Variants in ADRA1A observed in about 807,000 individuals in gnomAD.
The protein encoded by ADRA1A is alpha-1A adrenergic receptor.
Under a neutral mutation model 29.6 loss-of-function variants are expected in ADRA1A, and 31 were observed. The observed-to-expected ratio is 1.05, with a 90% CI of 0.79 to 1.41. The LOEUF is 1.41. Among genes scored for constraint, ADRA1A ranks in the 40% most tolerant of loss-of-function variants. The pLI is 0.00. For synonymous variants in ADRA1A, 311 were observed against 254.3 expected, an observed-to-expected ratio of 1.22 and a Z score of -2.12; for missense variants, 619 against 601.1, an observed-to-expected ratio of 1.03 and a Z score of -0.31.
intron 2 of ADRA1A, among the ~76,000 whole-genome samples, chr8:26,822,841 G>A (rs1810273897): frequency 6.6e-6 from 1 of 152,178 alleles, no homozygotes; most frequent in South Asian, 2.1e-4. Flanking sequence ...GGGGAAGGAG[G>A]CACATAGCTG....
chr8:26,788,437 G>T (rs1481718792), intron 2 of ADRA1A, among the ~76,000 whole-genome samples: 2 of 152,136 alleles, frequency 1.3e-5, no homozygotes. Flanking sequence ...TTTTGAAAAA[G>T]AGTTAGAGAA....
intron 2 of ADRA1A, among the ~76,000 whole-genome samples, chr8:26,857,315 A>G (rs1813120464): frequency 6.6e-6 from 1 of 151,990 alleles, no homozygotes; most frequent in African/African-American, 2.4e-5. Context: ...TTAAGCCACT[A>G]CCTTTTGGGA....
Position 26,866,805 on chromosome 8 carries a change from G to A in ADRA1A, c.-687+131C>T. ...GTAAGGGAATCGGGGGTGGGGTAGA[G>A]GGGCCGGTATAAAACCTGGTGGAAA... On this transcript the variant is annotated intron_variant, in intron 1 of 2. Transcript: ENST00000380573. This position sits in a 1 kb window ranked among gnomAD's most constrained non-coding sequence, Gnocchi z 5.7. The A allele has an allele frequency of 1.1e-6, 1 of 894,440 alleles. No individual in the cohort carries two copies. The highest frequency in any genetic ancestry group is 5.1e-5 in the South Asian group (1 of 19,492). The allele number at this position is 894,440 out of a possible 1,614,324, so 55.4% of individuals were successfully genotyped here.
intron 2 of ADRA1A, among the ~76,000 whole-genome samples, chr8:26,772,343 C>A (rs61760523): frequency 6.6e-6 from 1 of 152,184 alleles, no homozygotes; most frequent in Admixed American, 6.5e-5. Flanking sequence ...AAATCCCAAA[C>A]GTCCCTCTTC....
At chr8:26,750,762 G>A (rs933712060) in intron 2 of ADRA1A, among the ~76,000 whole-genome samples, 9 of 152,126 alleles carry the variant, frequency 5.9e-5, no homozygotes, top group Non-Finnish European at 1.3e-4. Flanking sequence ...AGCTCTCCTG[G>A]TGATTCATAA....
In ADRA1A at chr8:26,821,167, G is replaced by C. The variant is rs1438053073; in HGVS notation, c.883+42920C>G. Among the ~76,000 whole-genome samples, 2 of 152,188 alleles carry C rather than the reference G, an allele frequency of 1.3e-5. No individual in the cohort carries two copies. Among genetic ancestry groups the C allele is most frequent in the Non-Finnish European group, 1.5e-5 (1 of 68,036 alleles). On this transcript the variant is annotated intron_variant, in intron 2 of 2. Transcript: ENST00000380573. The surrounding 1 kb of genome is among the most constrained non-coding windows in gnomAD (Gnocchi z 5.6). ...GGCCTCGCAAAGTGCTGGGATTACA[G>C]GCATGAGCCACCACGCCTGGCCACA...
Position 26,801,635 on chromosome 8 carries a change from A to G in ADRA1A, c.884-30969T>C, listed in dbSNP as rs144567099. Among the ~76,000 whole-genome samples the G allele has an allele frequency of 5.2e-3, 786 of 152,136 alleles. 3 individuals carry two copies. Among genetic ancestry groups the G allele is most frequent in the Admixed American group, 8.6e-3 (131 of 15,264 alleles). On this transcript the variant is annotated intron_variant, in intron 2 of 2. Coordinates refer to ENST00000380573, the MANE Select transcript of ADRA1A (RefSeq NM_000680.4). Reference sequence around the variant, plus strand: ...TGAAGAAGACACACAAAAAGTGGAGATATTCTATGTTCATGGATTGGAAGA... The same window carrying G: ...TGAAGAAGACACACAAAAAGTGGAGGTATTCTATGTTCATGGATTGGAAGA...
chr8:26,770,798 C>T, intron 2 of ADRA1A, 132 bp from the exon 3 acceptor site: 1 of 1,298,918 alleles, frequency 7.7e-7, no homozygotes, highest in Non-Finnish European at 1.0e-6. Context: ...ATGAGTTTCT[C>T]ACATTTGACT....
chr8:26,802,774 C>T (rs1308431916), intron 2 of ADRA1A, among the ~76,000 whole-genome samples: 1 of 152,108 alleles, frequency 6.6e-6, no homozygotes, highest in Non-Finnish European at 1.5e-5. Context: ...TCTGCATTCC[C>T]ATGTTTTTGG....
Position 26,864,109 on chromosome 8 carries a change from A to C in ADRA1A, c.861T>G (p.Pro287=). Reference sequence around the variant, plus strand: ...TACCAATGGGCATGACTAAGAAAAAAGGCAGCCAGCAGAGGACGAAGCAGC... The same window carrying C: ...TACCAATGGGCATGACTAAGAAAAACGGCAGCCAGCAGAGGACGAAGCAGC... The part of the protein sequence containing the change: ...VVGCFVLCWL[P]FFLVMPIGSF... The change falls in exon 2 of 3, where the codon CCT becomes CCG. Residue 287 remains proline (P), a synonymous_variant. Coordinates refer to ENST00000380573, the MANE Select transcript of ADRA1A (RefSeq NM_000680.4). The surrounding 1 kb of genome is among the most constrained non-coding windows in gnomAD (Gnocchi z 8.1). 1 of 1,613,594 alleles carries C rather than the reference A, an allele frequency of 6.2e-7. No individual in the cohort carries two copies. Among genetic ancestry groups the C allele is most frequent in the Non-Finnish European group, 8.5e-7 (1 of 1,179,832 alleles).
chr8:26,864,878 AC>A lies in ADRA1A; in HGVS notation c.91del (p.Val31Ter). ...GAAAAGAATGAGGCCCCCCAAGATC[AC>A]CCCGAGCAGAATGGCCTTGGAAATG... Reference protein sequence around the residue: ...VNISKAILLGVILGGLILFGV... With the variant: ...VNISKAILLGXILGGLILFGV... On this transcript the variant is annotated frameshift_variant, in exon 2 of 3. Coordinates refer to ENST00000380573, the MANE Select transcript of ADRA1A (RefSeq NM_000680.4). LOFTEE classifies it high-confidence loss of function. The surrounding 1 kb of genome is among the most constrained non-coding windows in gnomAD (Gnocchi z 8.1). The A allele has an allele frequency of 5.6e-6, 9 of 1,613,930 alleles. No homozygotes were observed. Among genetic ancestry groups the A allele is most frequent in the Non-Finnish European group, 7.6e-6 (9 of 1,179,988 alleles).
downstream of ADRA1A, among the ~76,000 whole-genome samples, chr8:26,765,544 A>G (rs1805728227): frequency 6.6e-6 from 1 of 152,242 alleles, no homozygotes; most frequent in Non-Finnish European, 1.5e-5. Context: ...ACTGGGCTCC[A>G]CTGGAGCTGT....
At chr8:26,804,257 C>G (rs919698370) in intron 2 of ADRA1A, among the ~76,000 whole-genome samples, 6 of 152,042 alleles carry the variant, frequency 3.9e-5, no homozygotes, top group African/African-American at 1.4e-4. Flanking sequence ...ACCCATTACT[C>G]TCCTTAATGC....
intron 2 of ADRA1A, among the ~76,000 whole-genome samples, chr8:26,832,393 G>A (rs1463729554): frequency 6.6e-6 from 1 of 152,116 alleles, no homozygotes; most frequent in Non-Finnish European, 1.5e-5. Flanking sequence ...TAAACAATGT[G>A]CACTCTTTGC....
Position 26,825,097 on chromosome 8 carries a change from A to G in ADRA1A, c.883+38990T>C, listed in dbSNP as rs28579919. On this transcript the variant is annotated intron_variant, in intron 2 of 2. Coordinates refer to ENST00000380573, the MANE Select transcript of ADRA1A (RefSeq NM_000680.4). This position sits in a 1 kb window ranked among gnomAD's most constrained non-coding sequence, Gnocchi z 5.7. ...ACAGCGTTTGGTTGTTCAGAATTCA[A>G]GCATGGCATAAAACAATGCCTGCAT... 0.15 allele frequency among the ~76,000 whole-genome samples: 23,423 copies of G among 152,110 alleles called. 3,264 individuals carry two copies. The highest frequency in any genetic ancestry group is 0.37 in the African/African-American group (15,470 of 41,434).
rs1260973752 is a variant in ADRA1A at position 26,812,489 on chromosome 8, G to A, written c.884-41823C>T. ...GGAAACAGGGATCTATCTCTGTGGA[G>A]AAATTTTAGAAGTCAGTAAAGTTCA... On this transcript the variant is annotated intron_variant, in intron 2 of 2. Transcript: ENST00000380573. Among the ~76,000 whole-genome samples, 3 of 152,176 alleles carry A rather than the reference G, an allele frequency of 2.0e-5. No individual in the cohort carries two copies. In the East Asian group the frequency reaches 5.8e-4, roughly 29 times the overall value.
chr8:26,803,235 G>T (rs1023103342), intron 2 of ADRA1A, among the ~76,000 whole-genome samples: 2 of 152,104 alleles, frequency 1.3e-5, no homozygotes, highest in African/African-American at 4.8e-5. Flanking sequence ...AGTACAATTG[G>T]AATGTTTGTA....
chr8:26,796,339 T>G lies in ADRA1A; in HGVS notation c.884-25673A>C, dbSNP rs138855613. On this transcript the variant is annotated intron_variant, in intron 2 of 2. Coordinates refer to ENST00000380573, the MANE Select transcript of ADRA1A (RefSeq NM_000680.4). The surrounding 1 kb of genome is among the most constrained non-coding windows in gnomAD (Gnocchi z 5.0). ...AGCACATAACTAAAAAATAACTCAC[T>G]GATTACCTACAACATTTCGCTACCT... Among the ~76,000 whole-genome samples, 352 of 152,332 alleles carry G rather than the reference T, an allele frequency of 2.3e-3. 2 individuals carry two copies. The highest frequency in any genetic ancestry group is 8.2e-3 in the African/African-American group (340 of 41,580).
chr8:26,820,674 G>A (rs1331981789), intron 2 of ADRA1A, among the ~76,000 whole-genome samples: 1 of 152,152 alleles, frequency 6.6e-6, no homozygotes, highest in Non-Finnish European at 1.5e-5. Context: ...ATGCCCACAT[G>A]CCTATGCCAA....
Sources: allele counts gnomAD v4.1 joint callset (sites outside exome capture counted in the v4.1 genomes callset), GRCh38; gene constraint gnomAD v4.1.1; non-coding constraint Gnocchi (gnomAD v3.1); transcripts MANE v1.5; gene names NCBI Gene and HGNC (gene_info 2026-07-23, HGNC 2026-07-21).